Variants in SPATA22 observed in about 807,000 individuals in gnomAD.
SPATA22 encodes spermatogenesis-associated protein 22.
Under a neutral mutation model 47.8 loss-of-function variants are expected in SPATA22, and 29 were observed. The observed-to-expected ratio is 0.61, with a 90% confidence interval of 0.45 to 0.83. SPATA22 has a LOEUF of 0.83. Ranked by LOEUF, SPATA22 falls within the 40% of genes least tolerant of loss-of-function variation. The pLI is 0.00. For synonymous variants in SPATA22, 133 were observed against 140.9 expected (o/e 0.94, Z 0.40); for missense variants, 410 against 421.7 (o/e 0.97, Z 0.24).
rs967025908 is a variant in SPATA22 at position 3,490,362 on chromosome 17, T to TA, written c.-73-20965dup. 2.2e-4 allele frequency among the ~76,000 whole-genome samples: 34 copies of TA among 152,292 alleles called. No homozygotes were observed. The highest frequency in any genetic ancestry group is 1.9e-3 in the Admixed American group (29 of 15,296). Reference sequence around the variant, plus strand: ...ACTGCACTAAAAAGTCTATTAGTTATAAAAAAAGTTTACTTTAAAATGGAA... The same window carrying TA: ...ACTGCACTAAAAAGTCTATTAGTTATAAAAAAAAGTTTACTTTAAAATGGAA... On this transcript the variant is annotated intron_variant, in intron 1 of 8. Transcript: ENST00000541913. This position sits in a 1 kb window ranked among gnomAD's most constrained non-coding sequence, Gnocchi z 4.6.
intron 1 of SPATA22, chr17:3,510,836 G>C (rs940980374): frequency 1.3e-5 from 2 of 152,266 alleles, no homozygotes; most frequent in African/African-American, 4.8e-5. Flanking sequence ...GGAAGGACAG[G>C]AATGTCAATA....
chr17:3,467,591 A>G (rs753679053), intron 2 of SPATA22, 37 bp from the exon 3 acceptor site: 2 of 1,550,460 alleles, frequency 1.3e-6, no homozygotes, highest in Non-Finnish European at 1.7e-6. Flanking sequence ...TACATAATAG[A>G]CAAATAAGCA....
At chr17:3,464,553 G>A (rs1469413908) in intron 3 of SPATA22, among the ~76,000 whole-genome samples, 4 of 137,748 alleles carry the variant, frequency 2.9e-5, no homozygotes, top group South Asian at 2.3e-4. Flanking sequence ...CTTCCCGGCC[G>A]CCATCCCATC....
chr17:3,506,992 A>AAGGG (rs201802589), intron 1 of SPATA22, among the ~76,000 whole-genome samples: 21 of 141,360 alleles, frequency 1.5e-4, no homozygotes, highest in Middle Eastern at 7.1e-3. Flanking sequence ...AAAGAGAAGG[A>AAGGG]AGGGAGGGAG....
rs1034552401 is a variant in SPATA22 at position 3,485,120 on chromosome 17, G to A, written c.-73-15722C>T. On this transcript the variant is annotated intron_variant, in intron 1 of 8. Transcript: ENST00000541913. This position sits in a 1 kb window ranked among gnomAD's most constrained non-coding sequence, Gnocchi z 4.4. Reference sequence around the variant, plus strand: ...TGCAGCCTTGACCTCCTGGGCTCAGGCAATCCTCCCATCTCAGCCTCCCAA... The same window carrying A: ...TGCAGCCTTGACCTCCTGGGCTCAGACAATCCTCCCATCTCAGCCTCCCAA... Among the ~76,000 whole-genome samples, 5 of 152,080 alleles carry A rather than the reference G, an allele frequency of 3.3e-5. No homozygotes were observed. Among genetic ancestry groups the A allele is most frequent in the Non-Finnish European group, 1.5e-5 (1 of 68,024 alleles).
At chr17:3,482,665 A>G (rs1162195521) in intron 1 of SPATA22, among the ~76,000 whole-genome samples, 1 of 152,240 alleles carries the variant, frequency 6.6e-6, no homozygotes, top group African/African-American at 2.4e-5. Context: ...TAAAACATTT[A>G]GCCTCATACC....
chr17:3,481,995 A>T (rs1297617449), intron 1 of SPATA22, among the ~76,000 whole-genome samples: 1 of 152,142 alleles, frequency 6.6e-6, no homozygotes, highest in East Asian at 1.9e-4. Flanking sequence ...GGAGAAAAAG[A>T]GAGGAAATAA....
intron 1 of SPATA22, among the ~76,000 whole-genome samples, chr17:3,507,264 G>A (rs951529846): frequency 1.3e-5 from 2 of 152,132 alleles, no homozygotes; most frequent in African/African-American, 4.8e-5. Flanking sequence ...ACCGATGAAA[G>A]AAATAGAACA....
At chr17:3,473,690 G>T (rs963295046), upstream of SPATA22, among the ~76,000 whole-genome samples, 1 of 152,102 alleles carries the variant, frequency 6.6e-6, no homozygotes, top group Non-Finnish European at 1.5e-5. Context: ...TAGAGACGGG[G>T]TTTCACCATG....
At chr17:3,454,919 G>C (rs1196719297) in intron 5 of SPATA22, among the ~76,000 whole-genome samples, 1 of 151,872 alleles carries the variant, frequency 6.6e-6, no homozygotes, top group Non-Finnish European at 1.5e-5. Flanking sequence ...CCCACCAACA[G>C]TGTAAAAGTG....
rs1449413054 is a variant in SPATA22, at chr17:3,485,046, G to T, written c.-73-15648C>A. 2.0e-5 allele frequency among the ~76,000 whole-genome samples: 3 copies of T among 151,898 alleles called. No individual in the cohort carries two copies. Among genetic ancestry groups the T allele is most frequent in the East Asian group, 3.8e-4 (2 of 5,204 alleles). ...TGTTTTGTTTTTTTTCTGGAAAAGG[G>T]TCTCACTCTGTTGCCCAGGCTGAGT... On this transcript the variant is annotated intron_variant, in intron 1 of 8. Coordinates refer to the SPATA22 transcript ENST00000541913. This position sits in a 1 kb window ranked among gnomAD's most constrained non-coding sequence, Gnocchi z 4.4.
intron 1 of SPATA22, among the ~76,000 whole-genome samples, chr17:3,487,020 G>A (rs1042058004): frequency 2.6e-5 from 4 of 151,972 alleles, no homozygotes; most frequent in African/African-American, 9.7e-5. Context: ...AGAGGGCTGT[G>A]TCCAGTCGCT....
chr17:3,454,034 A>G (rs923674350), intron 5 of SPATA22, among the ~76,000 whole-genome samples: 2 of 152,116 alleles, frequency 1.3e-5, no homozygotes, highest in Non-Finnish European at 2.9e-5. Context: ...AAATTGCAGG[A>G]TACAAAATCA....
At chr17:3,446,661 T>C (rs2072734233) in intron 6 of SPATA22, 60 bp from the exon 7 acceptor site, 2 of 1,297,530 alleles carry the variant, frequency 1.5e-6, no homozygotes, top group South Asian at 1.6e-5. Flanking sequence ...ATCATACTCG[T>C]TTACCTTCTA....
chr17:3,497,841 GC>G (rs2073934061), intron 1 of SPATA22, among the ~76,000 whole-genome samples: 1 of 152,040 alleles, frequency 6.6e-6, no homozygotes, highest in African/African-American at 2.4e-5. Context: ...AGAATCCCAG[GC>G]CCCCACCCCC....
In SPATA22 at chr17:3,443,291, G is replaced by A. The variant is rs1374523752; in HGVS notation, c.803-20C>T. The A allele has an allele frequency of 6.5e-7, 1 of 1,529,186 alleles. No individual in the cohort carries two copies. The highest frequency in any genetic ancestry group is 8.9e-7 in the Non-Finnish European group (1 of 1,123,936). 94.7% of individuals were successfully genotyped at this position (1,529,186 alleles called of 1,614,324 possible). On this transcript the variant is annotated intron_variant, in intron 7 of 8. Coordinates refer to ENST00000572969, the MANE Select transcript of SPATA22 (RefSeq NM_001170698.2). ...GAACAGCTAAGCAATATTGAAATGG[G>A]GGAAAAAATGAATGTTGGTAAACTG...
At chr17:3,465,350 G>A (rs1340896291) in intron 3 of SPATA22, among the ~76,000 whole-genome samples, 1 of 152,018 alleles carries the variant, frequency 6.6e-6, no homozygotes, top group Non-Finnish European at 1.5e-5. Context: ...GGGAAAGGTG[G>A]GGAAAAGATT....
chr17:3,470,956 A>G, intron 1 of SPATA22, among the ~76,000 whole-genome samples: 1 of 151,946 alleles, frequency 6.6e-6, no homozygotes, highest in East Asian at 1.9e-4. Flanking sequence ...GGAGTTCAAG[A>G]CCAGCCTGAC....
intron 1 of SPATA22, among the ~76,000 whole-genome samples, chr17:3,492,408 G>C (rs999264986): frequency 9.2e-5 from 14 of 152,186 alleles, no homozygotes; most frequent in African/African-American, 3.4e-4. Context: ...TTGGTTTAAA[G>C]AAATGAGATC....
Sources: gnomAD v4.1 joint callset for allele counts (sites outside exome capture counted in the v4.1 genomes callset) on GRCh38, gnomAD v4.1.1 for gene constraint, Gnocchi (gnomAD v3.1) non-coding constraint, MANE v1.5 for transcripts, NCBI Gene and HGNC (gene_info 2026-07-23, HGNC 2026-07-21) for gene names.